The following SLC44A1 variants were observed in gnomAD, a reference collection of about 807,000 sequenced individuals.
The protein encoded by SLC44A1 is solute carrier family 44 member 1.
SLC44A1 carries 26 observed loss-of-function variants against 79.3 expected under a neutral mutation model. That is an observed-to-expected ratio of 0.33 (90% CI 0.24 to 0.46). SLC44A1 has a LOEUF of 0.46. Among genes scored for constraint, SLC44A1 ranks in the 20% least tolerant of loss-of-function variants. The pLI is 1.00. For synonymous variants in SLC44A1, 263 were observed against 286.2 expected, an observed-to-expected ratio of 0.92 and a Z score of 0.82; for missense variants, 688 against 798.1, an observed-to-expected ratio of 0.86 and a Z score of 1.66.
At chr9:105,346,884 T>C (rs937734423) in intron 4 of SLC44A1, among the ~76,000 whole-genome samples, 1 of 152,090 alleles carries the variant, frequency 6.6e-6, no homozygotes, top group Non-Finnish European at 1.5e-5. Context: ...TTTAAAAATA[T>C]TTTGCATTGT....
intron 1 of SLC44A1, among the ~76,000 whole-genome samples, chr9:105,253,255 A>T (rs1156512865): frequency 6.6e-6 from 1 of 152,214 alleles, no homozygotes; most frequent in Non-Finnish European, 1.5e-5. Context: ...TGTTTATAAT[A>T]TGTAAAGTAA....
At chr9:105,428,785 C>T (rs897879533) in intron 15 of SLC44A1, among the ~76,000 whole-genome samples, 1 of 152,178 alleles carries the variant, frequency 6.6e-6, no homozygotes. Flanking sequence ...CTACAGCCTC[C>T]GCCTCCTGGG....
chr9:105,392,607 T>G lies in SLC44A1; in HGVS notation c.*3551T>G, dbSNP rs754983068. 5.6e-5 allele frequency: 55 copies of G among 985,186 alleles called. No homozygotes were observed. Among genetic ancestry groups the G allele is most frequent in the Non-Finnish European group, 6.5e-5 (54 of 829,980 alleles). 61.0% of individuals were successfully genotyped at this position (985,186 alleles called of 1,614,324 possible). A position where few individuals can be genotyped will look rare whatever the true frequency, so the allele number is the denominator to read the frequency against. ...TGCTTTAGAGCAGAGTTAATACCTC[T>G]CCCTCCCTCTTCAAAACAGCTACAG... On this transcript the variant is annotated 3_prime_UTR_variant, in exon 16 of 16. Coordinates refer to ENST00000374720, the MANE Select transcript of SLC44A1 (RefSeq NM_080546.5).
intron 1 of SLC44A1, among the ~76,000 whole-genome samples, chr9:105,271,582 G>A (rs905488623): frequency 3.3e-5 from 5 of 152,148 alleles, no homozygotes; most frequent in Non-Finnish European, 7.4e-5. Context: ...TATCTCTAGT[G>A]TGAAGTCTGG....
At chr9:105,282,076 C>T (rs915796871) in intron 1 of SLC44A1, among the ~76,000 whole-genome samples, 1 of 152,126 alleles carries the variant, frequency 6.6e-6, no homozygotes. Flanking sequence ...AGATAAATTG[C>T]CGTAATTGTA....
intron 4 of SLC44A1, among the ~76,000 whole-genome samples, chr9:105,337,378 G>A (rs1251920867): frequency 6.6e-6 from 1 of 152,144 alleles, no homozygotes; most frequent in Non-Finnish European, 1.5e-5. Flanking sequence ...TCATAGGATG[G>A]TTATGAGGAC....
At chr9:105,437,855 T>C (rs1829483782) in intron 15 of SLC44A1, among the ~76,000 whole-genome samples, 2 of 152,340 alleles carry the variant, frequency 1.3e-5, no homozygotes, top group Admixed American at 1.3e-4. Context: ...ATGGGTTTGT[T>C]TGATTCAGTT....
At chr9:105,330,895 A>G (rs1826729518) in intron 3 of SLC44A1, among the ~76,000 whole-genome samples, 1 of 152,076 alleles carries the variant, frequency 6.6e-6, no homozygotes, top group South Asian at 2.1e-4. Flanking sequence ...CTCCATTCCC[A>G]TCTACCTTTT....
chr9:105,315,346 GTTTT>G (rs139999103), intron 3 of SLC44A1, among the ~76,000 whole-genome samples: 2,173 of 150,816 alleles, frequency 0.014, 18 homozygotes, highest in Admixed American at 0.017. Context: ...TGATAGTAGG[GTTTT>G]TTTAAGTAAG....
Position 105,392,838 on chromosome 9 carries a change from C to A in SLC44A1, c.*3782C>A. 1.0e-6 allele frequency: 1 copy of A among 985,368 alleles called. No homozygotes were observed. The highest frequency in any genetic ancestry group is 1.2e-6 in the Non-Finnish European group (1 of 829,906). 61.0% of individuals were successfully genotyped at this position (985,368 alleles called of 1,614,324 possible). A position where few individuals can be genotyped will look rare whatever the true frequency, so the allele number is the denominator to read the frequency against. ...TTTGATTTTTGGTCAGTAACCTTGT[C>A]ATTTAAATTGGACTTTCCAATAGCC... is the stretch of plus-strand genomic sequence containing the variant. On this transcript the variant is annotated 3_prime_UTR_variant, in exon 16 of 16. Transcript: ENST00000374720.
At chr9:105,274,977 A>C (rs139777909) in intron 1 of SLC44A1, among the ~76,000 whole-genome samples, 76 of 152,340 alleles carry the variant, frequency 5.0e-4, no homozygotes, top group African/African-American at 1.7e-3. Context: ...CTTTTAGAGC[A>C]ATTATATAAT....
intron 15 of SLC44A1, among the ~76,000 whole-genome samples, chr9:105,430,632 G>A (rs1441565056): frequency 1.3e-5 from 2 of 152,134 alleles, no homozygotes; most frequent in African/African-American, 4.8e-5. Flanking sequence ...ATAATGTTCT[G>A]ATGTGTGATA....
chr9:105,335,203 A>G (rs1309299195), intron 3 of SLC44A1, among the ~76,000 whole-genome samples: 2 of 152,126 alleles, frequency 1.3e-5, no homozygotes, highest in Non-Finnish European at 2.9e-5. Flanking sequence ...TTCATGCTGT[A>G]TTATATAGCA....
In SLC44A1 at chr9:105,397,270, T is replaced by G. The variant is rs1828894627; in HGVS notation, c.*8214T>G. 2.0e-6 allele frequency: 2 copies of G among 984,630 alleles called. No homozygotes were observed. Among genetic ancestry groups the G allele is most frequent in the South Asian group, 4.7e-5 (1 of 21,282 alleles). The allele number at this position is 984,630 out of a possible 1,614,324, so 61.0% of individuals were successfully genotyped here. On this transcript the variant is annotated 3_prime_UTR_variant, in exon 16 of 16. Coordinates refer to ENST00000374720, the MANE Select transcript of SLC44A1 (RefSeq NM_080546.5). The stretch of plus-strand genomic sequence containing the variant: ...CTGTGTACTGACTCAGTTGCCAGAA[T>G]TATAATGAAAACTGTATTTTAGTCT...
chr9:105,305,333 TAA>T (rs1830999329), intron 2 of SLC44A1, among the ~76,000 whole-genome samples: 2 of 152,120 alleles, frequency 1.3e-5, no homozygotes. Flanking sequence ...TACATTTTTT[TAA>T]AAGTCTGGAA....
At chr9:105,421,689 G>A (rs1427718960) in intron 15 of SLC44A1, among the ~76,000 whole-genome samples, 1 of 150,016 alleles carries the variant, frequency 6.7e-6, no homozygotes, top group African/African-American at 2.5e-5. Context: ...CTGGGTTCAC[G>A]CCATTCTCCT....
chr9:105,436,111 T>C (rs1829460717), intron 15 of SLC44A1, among the ~76,000 whole-genome samples: 1 of 152,168 alleles, frequency 6.6e-6, no homozygotes, highest in Non-Finnish European at 1.5e-5. Context: ...GGCAGAAGAA[T>C]CGCTGGAACC....
intron 1 of SLC44A1, among the ~76,000 whole-genome samples, chr9:105,249,146 T>A (rs1215470483): frequency 6.6e-6 from 1 of 152,244 alleles, no homozygotes; most frequent in Non-Finnish European, 1.5e-5. Context: ...ACTGTCTTTT[T>A]GTAGCACTCA....
intron 3 of SLC44A1, among the ~76,000 whole-genome samples, chr9:105,325,845 A>G (rs1016878578): frequency 1.9e-4 from 29 of 152,216 alleles, no homozygotes; most frequent in African/African-American, 7.0e-4. Context: ...TGAGATGAAC[A>G]ACTCCGTCAA....
Sources: gnomAD v4.1 joint callset for allele counts (sites outside exome capture counted in the v4.1 genomes callset) on GRCh38, gnomAD v4.1.1 for gene constraint, MANE v1.5 for transcripts, NCBI Gene and HGNC (gene_info 2026-07-23, HGNC 2026-07-21) for gene names.